Variants in FNBP1 observed in about 807,000 individuals in gnomAD.
The protein encoded by FNBP1 is formin binding protein 1.
In FNBP1, 26 loss-of-function variants were observed where a neutral mutation model predicts 90.6. That is an observed-to-expected ratio of 0.29 (90% confidence interval 0.21 to 0.40). The LOEUF is 0.40. Among genes scored for constraint, FNBP1 ranks in the 10% least tolerant of loss-of-function variants. The pLI is 1.00. For missense variants in FNBP1, 635 were observed against 768.0 expected (o/e 0.83, Z 2.05); for synonymous variants, 260 against 265.2 (o/e 0.98, Z 0.19).
Position 129,888,382 on chromosome 9 carries a change from G to A in FNBP1, c.*2157C>T, listed in dbSNP as rs146524977. ...GAAGATCCCTGTCGTCCCCGTTGGC[G>A]GGGGAGCCCATTGTGGAGCTGTGGG... On this transcript the variant is annotated 3_prime_UTR_variant, in exon 17 of 17. Coordinates refer to ENST00000446176, the MANE Select transcript of FNBP1 (RefSeq NM_015033.3). The A allele has an allele frequency of 3.9e-4, 90 of 232,506 alleles. No individual in the cohort carries two copies. Among genetic ancestry groups the A allele is most frequent in the Non-Finnish European group, 7.2e-4 (85 of 117,630 alleles). 14.4% of individuals were successfully genotyped at this position (232,506 alleles called of 1,614,324 possible). A position where few individuals can be genotyped will look rare whatever the true frequency, so the allele number is the denominator to read the frequency against.
rs2036801449 is a variant in FNBP1, at chr9:129,900,889, A to T, written c.1429-342T>A. ...CCCTTGGGCTTTTAAGCAGCAGTGCAGTCTTGGATAAGTCACTTCTAGTTC... is the reference window on the plus strand; with the variant it reads ...CCCTTGGGCTTTTAAGCAGCAGTGCTGTCTTGGATAAGTCACTTCTAGTTC... On this transcript the variant is annotated intron_variant, in intron 13 of 16. Transcript: ENST00000446176. This position sits in a 1 kb window ranked among gnomAD's most constrained non-coding sequence, Gnocchi z 4.1. 6.6e-6 allele frequency among the ~76,000 whole-genome samples: 1 copy of T among 152,252 alleles called. No individual in the cohort carries two copies. The highest frequency in any genetic ancestry group is 1.5e-5 in the Non-Finnish European group (1 of 68,042).
At chr9:130,028,425 G>C (rs192888408) in intron 1 of FNBP1, among the ~76,000 whole-genome samples, 2 of 152,086 alleles carry the variant, frequency 1.3e-5, no homozygotes, top group African/African-American at 4.8e-5. Context: ...CTATTAGTCT[G>C]TCTTCAAAAG....
the FNBP1 span, among the ~76,000 whole-genome samples, chr9:130,053,271 A>G: frequency 6.6e-6 from 1 of 152,136 alleles, no homozygotes; most frequent in Non-Finnish European, 1.5e-5. Context: ...TCCCAGCTCA[A>G]CCTGGAGCAA....
intron 10 of FNBP1, 91 bp from the exon 11 acceptor site, chr9:129,916,071 A>T: frequency 2.2e-6 from 2 of 914,412 alleles, no homozygotes; most frequent in Non-Finnish European, 3.5e-6. Context: ...GAAGAAGAGG[A>T]ACTTGGTCAG....
intron 2 of FNBP1, among the ~76,000 whole-genome samples, chr9:129,987,862 G>A (rs911982946): frequency 6.6e-6 from 1 of 151,964 alleles, no homozygotes; most frequent in African/African-American, 2.4e-5. Flanking sequence ...CGTTTGTACT[G>A]TTAAATTTAA....
At chr9:129,955,640 G>C (rs2046816711) in intron 6 of FNBP1, among the ~76,000 whole-genome samples, 1 of 151,804 alleles carries the variant, frequency 6.6e-6, no homozygotes, top group Non-Finnish European at 1.5e-5. Context: ...AGGATCACTT[G>C]AGCCCTGAAG....
In FNBP1 at chr9:129,924,741, G is replaced by A. The variant is rs1221009045; in HGVS notation, c.987+219C>T. 2.6e-5 allele frequency among the ~76,000 whole-genome samples: 4 copies of A among 152,124 alleles called. No homozygotes were observed. In the East Asian group the frequency reaches 7.7e-4, roughly 29 times the overall value. ...GAGAGGTCAGTACTCTGTTAGTGTG[G>A]GAGTCACGGTACGAGGATAATGCAT... On this transcript the variant is annotated intron_variant, in intron 9 of 16. Coordinates refer to ENST00000446176, the MANE Select transcript of FNBP1 (RefSeq NM_015033.3).
intron 6 of FNBP1, among the ~76,000 whole-genome samples, chr9:129,955,441 G>A (rs990092232): frequency 1.3e-5 from 2 of 151,528 alleles, no homozygotes; most frequent in Non-Finnish European, 2.9e-5. Flanking sequence ...TCACCATGTT[G>A]CCCAGGCTGG....
intron 4 of FNBP1, among the ~76,000 whole-genome samples, chr9:129,963,785 T>G (rs551158844): frequency 5.9e-4 from 90 of 152,130 alleles, no homozygotes; most frequent in African/African-American, 2.1e-3. Flanking sequence ...CGGCTAATTT[T>G]TGTGTTTTTA....
chr9:130,033,772 C>G (rs1194839332), intron 1 of FNBP1, among the ~76,000 whole-genome samples: 2 of 147,922 alleles, frequency 1.4e-5, no homozygotes, highest in African/African-American at 5.0e-5. Flanking sequence ...GCGGGCGGAT[C>G]ACGAGGTCAG....
intron 5 of FNBP1, 52 bp downstream of exon 5, chr9:129,958,439 A>C (rs943187505): frequency 1.1e-4 from 150 of 1,318,680 alleles, no homozygotes; most frequent in Non-Finnish European, 1.4e-4. Flanking sequence ...CTCAAAAAAA[A>C]AGAAAAAAAA....
intron 7 of FNBP1, among the ~76,000 whole-genome samples, chr9:129,928,091 G>A (rs1378132944): frequency 1.3e-5 from 2 of 152,156 alleles, no homozygotes; most frequent in African/African-American, 2.4e-5. Context: ...TGCTGTGTGT[G>A]TAGACACCAA....
intron 2 of FNBP1, among the ~76,000 whole-genome samples, chr9:129,989,100 T>G (rs763544896): frequency 5.3e-5 from 8 of 152,250 alleles, no homozygotes; most frequent in Non-Finnish European, 1.2e-4. Context: ...GTCTGGCTTC[T>G]TTTTGTAATT....
Position 129,900,407 on chromosome 9 carries a change from C to T in FNBP1, c.1550+19G>A, listed in dbSNP as rs199695866. The T allele has an allele frequency of 3.5e-4, 540 of 1,532,218 alleles. 1 individual carries two copies. In the Middle Eastern group the frequency reaches 3.7e-3, roughly 10 times the overall value. The allele number at this position is 1,532,218 out of a possible 1,614,324, so 94.9% of individuals were successfully genotyped here. A position where few individuals can be genotyped will look rare whatever the true frequency, so the allele number is the denominator to read the frequency against. ...AACAGGCTCCCTTGCCAGAGGCAGG[C>T]GCTGTGCAGATACTGTACCTCTCAC... On this transcript the variant is annotated intron_variant, in intron 14 of 16. Coordinates refer to ENST00000446176, the MANE Select transcript of FNBP1 (RefSeq NM_015033.3). The surrounding 1 kb of genome is among the most constrained non-coding windows in gnomAD (Gnocchi z 4.1).
At chr9:130,036,258 G>C (rs1345428610) in intron 1 of FNBP1, among the ~76,000 whole-genome samples, 3 of 152,170 alleles carry the variant, frequency 2.0e-5, no homozygotes, top group African/African-American at 7.2e-5. Context: ...GATGAAACAA[G>C]TATGAGTAAT....
At position 129,924,953 on chromosome 9, in the gene FNBP1, TC is replaced by T; in HGVS notation, c.987+6del. 6.2e-7 allele frequency: 1 copy of T among 1,608,252 alleles called. No individual in the cohort carries two copies. ...TAGAAAACTCATTTCACGCCAACCA[TC>T]AGTACCTTATTTTTTTTGATGAACG... On this transcript the variant is annotated splice_donor_region_variant and intron_variant, in intron 9 of 16. Transcript: ENST00000446176.
intron 9 of FNBP1, 97 bp downstream of exon 9, chr9:129,924,863 G>C (rs1405410683): frequency 1.9e-6 from 2 of 1,075,930 alleles, no homozygotes; most frequent in East Asian, 5.2e-5. Context: ...TTTGCATTCT[G>C]AAACTACAGG....
At position 129,995,625 on chromosome 9, in the gene FNBP1, T is replaced by C. The variant is rs550136077; in HGVS notation, c.25-667A>G. On this transcript the variant is annotated intron_variant, in intron 1 of 16. Coordinates refer to ENST00000446176, the MANE Select transcript of FNBP1 (RefSeq NM_015033.3). ...TTTTTTAAATTAGCTGGGCATGGTG[T>C]TGTACCACTGCACTCCAGCCTGGGT... Among the ~76,000 whole-genome samples the C allele has an allele frequency of 2.5e-4, 38 of 152,246 alleles. 2 individuals are homozygous for C. In the South Asian group the frequency reaches 7.3e-3, roughly 29 times the overall value.
chr9:130,039,951 C>A (rs2059675377), intron 1 of FNBP1, among the ~76,000 whole-genome samples: 1 of 152,156 alleles, frequency 6.6e-6, no homozygotes, highest in African/African-American at 2.4e-5. Flanking sequence ...CCACCCAAAC[C>A]ATAGCTCTTT....
Sources: allele counts gnomAD v4.1 joint callset (sites outside exome capture counted in the v4.1 genomes callset), GRCh38; gene constraint gnomAD v4.1.1; non-coding constraint Gnocchi (gnomAD v3.1); transcripts MANE v1.5; gene names NCBI Gene and HGNC (gene_info 2026-07-23, HGNC 2026-07-21).